The following KHDRBS2 variants were observed in gnomAD, a reference collection of about 807,000 sequenced individuals.
KHDRBS2 encodes the protein KH RNA binding domain containing, signal transduction associated 2.
Under a neutral mutation model 44.3 loss-of-function variants are expected in KHDRBS2, and 26 were observed. The ratio of observed to expected loss-of-function variants is 0.59; its 90% CI spans 0.43 to 0.81. The LOEUF is 0.81. KHDRBS2 is among the 40% of genes least tolerant of loss of function. The pLI is 0.00. For synonymous variants in KHDRBS2, 194 were observed against 151.1 expected, an observed-to-expected ratio of 1.28 and a Z score of -2.08; for missense variants, 476 against 433.1, an observed-to-expected ratio of 1.10 and a Z score of -0.88.
At chr6:62,231,158 G>C (rs1832834545) in intron 1 of KHDRBS2, among the ~76,000 whole-genome samples, 1 of 152,088 alleles carries the variant, frequency 6.6e-6, no homozygotes, top group Non-Finnish European at 1.5e-5. Context: ...CACTTTTTGA[G>C]AGATCCAAAT....
At chr6:61,691,461 T>C (rs1337661439) in intron 8 of KHDRBS2, among the ~76,000 whole-genome samples, 1 of 152,082 alleles carries the variant, frequency 6.6e-6, no homozygotes, top group Non-Finnish European at 1.5e-5. Context: ...TTCTTCCTTT[T>C]AATTACAAAT....
At chr6:62,273,487 C>T (rs1585554910) in intron 1 of KHDRBS2, among the ~76,000 whole-genome samples, 1 of 152,202 alleles carries the variant, frequency 6.6e-6, no homozygotes, top group East Asian at 1.9e-4. Flanking sequence ...TTACCCGATA[C>T]TGAAATTACT....
At chr6:61,666,359 AGACATACTT>A in the KHDRBS2 span, among the ~76,000 whole-genome samples, 3 of 151,482 alleles carry the variant, frequency 2.0e-5, no homozygotes, top group Admixed American at 6.6e-5. Flanking sequence ...TGGACATTGT[AGACATACTT>A]GAAGTTATTT....
At chr6:61,600,376 T>G in the KHDRBS2 span, among the ~76,000 whole-genome samples, 2 of 152,170 alleles carry the variant, frequency 1.3e-5, no homozygotes, top group Non-Finnish European at 1.5e-5. Context: ...CATTACCATG[T>G]GAAATTCCTT....
At chr6:61,956,404 C>T (rs532242193) in intron 4 of KHDRBS2, among the ~76,000 whole-genome samples, 1 of 152,082 alleles carries the variant, frequency 6.6e-6, no homozygotes, top group Non-Finnish European at 1.5e-5. Flanking sequence ...AAATTGAAGA[C>T]AAAACATTTT....
intron 6 of KHDRBS2, among the ~76,000 whole-genome samples, chr6:61,773,618 C>A (rs1284408047): frequency 2.0e-5 from 3 of 148,038 alleles, no homozygotes; most frequent in Non-Finnish European, 4.5e-5. Context: ...ATGGTAGTTT[C>A]TTTTGCTGTG....
At chr6:62,031,139 T>C (rs889575554) in intron 3 of KHDRBS2, among the ~76,000 whole-genome samples, 3 of 151,988 alleles carry the variant, frequency 2.0e-5, no homozygotes, top group Admixed American at 6.6e-5. Flanking sequence ...GAGGCTCAAA[T>C]AATTTTTTTT....
At chr6:61,936,170 A>G (rs1218118813) in intron 4 of KHDRBS2, among the ~76,000 whole-genome samples, 2 of 152,044 alleles carry the variant, frequency 1.3e-5, no homozygotes, top group African/African-American at 4.8e-5. Flanking sequence ...GTATGTACAT[A>G]CATTTTACCT....
At chr6:61,981,098 T>C (rs1325724266) in intron 3 of KHDRBS2, among the ~76,000 whole-genome samples, 1 of 147,084 alleles carries the variant, frequency 6.8e-6, no homozygotes, top group African/African-American at 2.5e-5. Context: ...CATTCCCTTC[T>C]TTAAATAAAG....
chr6:61,647,369 C>T, the KHDRBS2 span, among the ~76,000 whole-genome samples: 1 of 151,970 alleles, frequency 6.6e-6, no homozygotes, highest in East Asian at 1.9e-4. Flanking sequence ...TTTTCAAAAA[C>T]AGATATCGAC....
At chr6:61,706,153 T>C (rs549383905) in intron 7 of KHDRBS2, among the ~76,000 whole-genome samples, 4 of 151,924 alleles carry the variant, frequency 2.6e-5, no homozygotes, top group South Asian at 2.1e-4. Flanking sequence ...TGCATCACCA[T>C]TGATCACCAC....
intron 4 of KHDRBS2, among the ~76,000 whole-genome samples, chr6:61,927,664 G>A (rs1189843277): frequency 6.6e-6 from 1 of 152,096 alleles, no homozygotes; most frequent in Non-Finnish European, 1.5e-5. Context: ...AAATTTGGTA[G>A]CCCAAGGTAG....
chr6:62,220,943 G>T (rs1163270162), intron 1 of KHDRBS2, among the ~76,000 whole-genome samples: 2 of 151,836 alleles, frequency 1.3e-5, no homozygotes, highest in Non-Finnish European at 2.9e-5. Flanking sequence ...TTAATCATAT[G>T]ACCCAGAAAT....
chr6:61,863,451 C>G (rs1797321900), intron 6 of KHDRBS2, among the ~76,000 whole-genome samples: 1 of 152,068 alleles, frequency 6.6e-6, no homozygotes, highest in Non-Finnish European at 1.5e-5. Context: ...CTTCTTAACA[C>G]TGCTTTTGCT....
the KHDRBS2 span, among the ~76,000 whole-genome samples, chr6:61,605,994 T>C: frequency 1.3e-5 from 2 of 152,120 alleles, no homozygotes; most frequent in Non-Finnish European, 2.9e-5. Context: ...GTCCCTGCCT[T>C]AAATGATGAC....
chr6:62,089,267 A>AC (rs1380682837), intron 2 of KHDRBS2, among the ~76,000 whole-genome samples: 360 of 91,968 alleles, frequency 3.9e-3, no homozygotes, highest in African/African-American at 0.015. Flanking sequence ...CCACTGGGTT[A>AC]CAAAAAAAAA....
intron 4 of KHDRBS2, among the ~76,000 whole-genome samples, chr6:61,945,139 A>ATG (rs1460531952): frequency 6.5e-5 from 7 of 108,436 alleles, no homozygotes; most frequent in Non-Finnish European, 1.4e-4. Context: ...ATATATATAT[A>ATG]TATATATATA....
At chr6:62,179,964 T>C (rs538620480) in intron 1 of KHDRBS2, among the ~76,000 whole-genome samples, 1 of 151,928 alleles carries the variant, frequency 6.6e-6, no homozygotes, top group African/African-American at 2.4e-5. Flanking sequence ...AAATGCATAG[T>C]AACAAAATGG....
At chr6:61,576,735 T>A in the KHDRBS2 span, among the ~76,000 whole-genome samples, 1 of 152,202 alleles carries the variant, frequency 6.6e-6, no homozygotes, top group East Asian at 1.9e-4. Context: ...ATCCCTGTTA[T>A]ACCATTATTT....
Sources: allele counts gnomAD v4.1 joint callset (sites outside exome capture counted in the v4.1 genomes callset), GRCh38; gene constraint gnomAD v4.1.1; transcripts MANE v1.5; gene names NCBI Gene and HGNC (gene_info 2026-07-23, HGNC 2026-07-21).